The following PCTP variants were observed in gnomAD, a reference collection of about 807,000 sequenced individuals.
PCTP encodes the protein START domain-containing protein 2.
In PCTP, 27 loss-of-function variants were observed where a neutral mutation model predicts 31.0. The ratio of observed to expected loss-of-function variants is 0.87; its 90% CI spans 0.64 to 1.20. The LOEUF (loss-of-function observed/expected upper bound fraction) is 1.20, where lower values mean the gene tolerates loss of function less well. PCTP is among the 50% of genes most tolerant of loss of function. The probability of loss-of-function intolerance (pLI) is 0.00; values close to 1 mark genes in which losing one functional copy is unlikely to be tolerated. For synonymous variants in PCTP, 108 were observed against 101.2 expected (o/e 1.07, Z -0.40); for missense variants, 287 against 268.2 (o/e 1.07, Z -0.49).
At chr17:55,852,577 T>A in the PCTP span, among the ~76,000 whole-genome samples, 2 of 152,228 alleles carry the variant, frequency 1.3e-5, no homozygotes, top group South Asian at 4.1e-4. Flanking sequence ...TTGATGAATA[T>A]TTTGGTCATT....
chr17:55,800,489 G>T (rs535164925), intron 3 of PCTP, among the ~76,000 whole-genome samples: 4 of 151,808 alleles, frequency 2.6e-5, no homozygotes, highest in African/African-American at 4.8e-5. Context: ...CTTTTTTCAA[G>T]ATTCCTAGCT....
rs112376430 is a variant in PCTP at position 55,767,463 on chromosome 17, C to A, written c.259+11C>A. On this transcript the variant is annotated intron_variant, in intron 2 of 5. Coordinates refer to ENST00000268896, the MANE Select transcript of PCTP (RefSeq NM_021213.4). ...ACCAGTATGTTAAAGGTGAGTGATG[C>A]TTGCTTTTCTTTTTTTTTTAGACGT... 639 of 1,430,128 alleles carry A rather than the reference C, an allele frequency of 4.5e-4. 1 individual carries two copies. The African/African-American group carries it at 0.014, about 31-fold the overall frequency. 88.6% of individuals were successfully genotyped at this position (1,430,128 alleles called of 1,614,324 possible).
At chr17:55,793,010 C>G (rs1024698574) in intron 3 of PCTP, among the ~76,000 whole-genome samples, 3 of 152,058 alleles carry the variant, frequency 2.0e-5, no homozygotes, top group African/African-American at 7.2e-5. Flanking sequence ...TCCCCATGCC[C>G]TTCAACCTCA....
the PCTP span, among the ~76,000 whole-genome samples, chr17:55,849,856 A>G: frequency 6.6e-6 from 1 of 152,176 alleles, no homozygotes; most frequent in African/African-American, 2.4e-5. Context: ...ATATAAAAGT[A>G]TACCACAACC....
chr17:55,802,677 TA>T (rs1912427264), intron 3 of PCTP, among the ~76,000 whole-genome samples: 1 of 152,200 alleles, frequency 6.6e-6, no homozygotes, highest in South Asian at 2.1e-4. Context: ...CCTTTCATGC[TA>T]AAAACTCTCA....
rs1487826204 is a variant in PCTP at position 55,777,012 on chromosome 17, A to G, written c.*912A>G. The G allele has an allele frequency of 1.0e-6, 1 of 985,646 alleles. No individual in the cohort carries two copies. 61.1% of individuals were successfully genotyped at this position (985,646 alleles called of 1,614,324 possible). A position where few individuals can be genotyped will look rare whatever the true frequency, so the allele number is the denominator to read the frequency against. ...TTCCTCCCAGAATATTTAGAAATGT[A>G]GAAGGGATAACAGTTCACAGCCAGG... On this transcript the variant is annotated 3_prime_UTR_variant, in exon 6 of 6. Coordinates refer to ENST00000268896, the MANE Select transcript of PCTP (RefSeq NM_021213.4).
intron 3 of PCTP, among the ~76,000 whole-genome samples, chr17:55,799,253 T>C (rs185490118): frequency 4.8e-4 from 73 of 152,176 alleles, no homozygotes; most frequent in Admixed American, 8.5e-4. Flanking sequence ...ATTTGCTGCT[T>C]AAAAGAGACA....
At chr17:55,844,753 A>G (rs1348428712), downstream of PCTP, among the ~76,000 whole-genome samples, 1 of 152,166 alleles carries the variant, frequency 6.6e-6, no homozygotes, top group Admixed American at 6.5e-5. Flanking sequence ...TAAAATCCAG[A>G]AAATGGTAAC....
At chr17:55,805,996 C>T (rs913380866) in intron 3 of PCTP, among the ~76,000 whole-genome samples, 9 of 151,848 alleles carry the variant, frequency 5.9e-5, no homozygotes, top group African/African-American at 2.2e-4. Flanking sequence ...TTTTATTCTT[C>T]TCCAAGTGAT....
At chr17:55,784,515 C>A (rs1267032751) in intron 2 of PCTP, among the ~76,000 whole-genome samples, 3 of 152,098 alleles carry the variant, frequency 2.0e-5, no homozygotes, top group Non-Finnish European at 4.4e-5. Context: ...TTGAGGAAGT[C>A]AAATTCTAAA....
intron 3 of PCTP, among the ~76,000 whole-genome samples, chr17:55,818,561 G>A (rs1021936933): frequency 1.3e-5 from 2 of 152,102 alleles, no homozygotes; most frequent in Non-Finnish European, 2.9e-5. Context: ...AACTTCATAG[G>A]GTTATTGTGA....
chr17:55,765,112 G>A (rs1388332374), intron 1 of PCTP, among the ~76,000 whole-genome samples: 1 of 152,176 alleles, frequency 6.6e-6, no homozygotes, highest in East Asian at 1.9e-4. Context: ...TATATGATTT[G>A]AAGCAGATTT....
intron 1 of PCTP, among the ~76,000 whole-genome samples, chr17:55,765,591 G>A (rs1335284163): frequency 6.6e-6 from 1 of 152,054 alleles, no homozygotes; most frequent in African/African-American, 2.4e-5. Flanking sequence ...CTATTGCACT[G>A]GTCTTCTCAC....
chr17:55,802,002 A>G (rs1243189405), intron 3 of PCTP, among the ~76,000 whole-genome samples: 1 of 152,204 alleles, frequency 6.6e-6, no homozygotes, highest in East Asian at 1.9e-4. Context: ...GAGAAGAATC[A>G]AATAGACACA....
At chr17:55,826,258 T>G (rs186656017), downstream of PCTP, among the ~76,000 whole-genome samples, 2 of 152,274 alleles carry the variant, frequency 1.3e-5, no homozygotes, top group Non-Finnish European at 2.9e-5. Context: ...TGTGGCCTCC[T>G]CTGGAGCAGG....
At chr17:55,785,519 T>C (rs1567720923) in intron 2 of PCTP, among the ~76,000 whole-genome samples, 1 of 152,272 alleles carries the variant, frequency 6.6e-6, no homozygotes, top group South Asian at 2.1e-4. Flanking sequence ...GATAGATAAC[T>C]GAAGCAATGC....
intron 1 of PCTP, among the ~76,000 whole-genome samples, chr17:55,757,168 G>A (rs1478878699): frequency 6.6e-6 from 1 of 151,460 alleles, no homozygotes; most frequent in Non-Finnish European, 1.5e-5. Flanking sequence ...CATGCATTGA[G>A]TGTGCATTAG....
rs569858025 is a variant in PCTP at position 55,773,776 on chromosome 17, A to G, written c.392A>G (p.His131Arg). The G allele has an allele frequency of 2.3e-5, 37 of 1,613,852 alleles. No homozygotes were observed. The highest frequency in any genetic ancestry group is 2.7e-5 in the Non-Finnish European group (32 of 1,179,978). The change falls in exon 4 of 6, where the codon CAT becomes CGT. Residue 131 changes from histidine to arginine, a missense_variant. Coordinates refer to ENST00000268896, the MANE Select transcript of PCTP (RefSeq NM_021213.4). ...CTGGACATGGAAGGGAGGAAGATCC[A>G]TGTGATCCTGGCCCGGAGCACCTCC... is the stretch of plus-strand genomic sequence containing the variant. Reference protein sequence around the residue: ...RDLDMEGRKIHVILARSTSMP... With the variant: ...RDLDMEGRKIRVILARSTSMP...
intron 3 of PCTP, among the ~76,000 whole-genome samples, chr17:55,794,392 T>A (rs991599088): frequency 6.6e-6 from 1 of 152,056 alleles, no homozygotes; most frequent in African/African-American, 2.4e-5. Flanking sequence ...CTACATTTCA[T>A]TCCTTTGTAA....
Sources: gnomAD v4.1 joint callset for allele counts (sites outside exome capture counted in the v4.1 genomes callset) on GRCh38, gnomAD v4.1.1 for gene constraint, MANE v1.5 for transcripts, NCBI Gene and HGNC (gene_info 2026-07-23, HGNC 2026-07-21) for gene names.